The following ANK2 variants were observed in gnomAD, a reference collection of about 807,000 sequenced individuals.
The protein encoded by ANK2 is ankyrin 2, also known as ankyrin-2.
Under a neutral mutation model 360.5 loss-of-function variants are expected in ANK2, and 83 were observed. The observed-to-expected ratio is 0.23, with a 90% CI of 0.19 to 0.28. The LOEUF (loss-of-function observed/expected upper bound fraction) is 0.28. Ranked by LOEUF, ANK2 falls within the 10% of genes least tolerant of loss-of-function variation. The probability of loss-of-function intolerance (pLI) is 1.00; values close to 1 mark genes in which losing one functional copy is unlikely to be tolerated. For synonymous variants in ANK2, 1,740 were observed against 1,759.5 expected, an observed-to-expected ratio of 0.99 and a Z score of 0.28; for missense variants, 4,201 against 4,795.7, an observed-to-expected ratio of 0.88 and a Z score of 3.66.
intron 23 of ANK2, among the ~76,000 whole-genome samples, chr4:113,307,238 T>G (rs2077617972): frequency 6.6e-6 from 1 of 152,134 alleles, no homozygotes; most frequent in Non-Finnish European, 1.5e-5. Flanking sequence ...TTTGAAACAC[T>G]CACTTCTGTT....
intron 37 of ANK2, among the ~76,000 whole-genome samples, chr4:113,352,663 C>T (rs1447697349): frequency 6.7e-6 from 1 of 150,020 alleles, no homozygotes; most frequent in Non-Finnish European, 1.5e-5. Context: ...TTTTTTTCAA[C>T]ATTGATCTGT....
At chr4:112,902,542 G>T (rs1185116499) in intron 1 of ANK2, among the ~76,000 whole-genome samples, 1 of 152,178 alleles carries the variant, frequency 6.6e-6, no homozygotes, top group Admixed American at 6.5e-5. Context: ...ACACCTGGAG[G>T]CTATGTTCTT....
At chr4:113,097,039 C>G (rs1344078138) in intron 1 of ANK2, among the ~76,000 whole-genome samples, 1 of 150,628 alleles carries the variant, frequency 6.6e-6, no homozygotes, top group African/African-American at 2.5e-5. Context: ...TATTATCACT[C>G]CTTCAATTCC....
Position 113,356,118 on chromosome 4 carries a change from G to A in ANK2, c.7500G>A (p.Thr2500=), listed in dbSNP as rs374941639. ...CTGTTGCCAAAACAGAACTCTTGAC[G>A]GAAGTGGCCTCTGTGCGGTCCCGGC... The part of the protein sequence containing the change: ...PAAVAKTELL[T]EVASVRSRLL... Residue 2500 remains threonine, a synonymous_variant, in exon 38 of 46, where the codon ACG becomes ACA. Coordinates refer to ENST00000357077, the MANE Select transcript of ANK2 (RefSeq NM_001148.6). 36 of 1,614,042 alleles carry A rather than the reference G, an allele frequency of 2.2e-5. No individual in the cohort carries two copies. Among genetic ancestry groups the A allele is most frequent in the South Asian group, 4.4e-5 (4 of 91,066 alleles).
intron 13 of ANK2, among the ~76,000 whole-genome samples, chr4:113,259,333 T>G (rs1563231441): frequency 6.6e-6 from 1 of 152,212 alleles, no homozygotes; most frequent in Non-Finnish European, 1.5e-5. Context: ...ATTATTAAAA[T>G]GAGCTATGTT....
intron 2 of ANK2, among the ~76,000 whole-genome samples, chr4:112,954,153 C>G (rs1176379719): frequency 6.6e-6 from 1 of 151,760 alleles, no homozygotes; most frequent in African/African-American, 2.4e-5. Context: ...ATTGTTGTCC[C>G]ACCCCTGTAT....
chr4:113,316,421 C>T (rs774837334), intron 24 of ANK2, among the ~76,000 whole-genome samples: 3 of 152,126 alleles, frequency 2.0e-5, no homozygotes, highest in South Asian at 2.1e-4. Context: ...ACAATTGATG[C>T]GGGCTATGTT....
At chr4:112,998,402 C>T (rs966297435) in intron 2 of ANK2, among the ~76,000 whole-genome samples, 3 of 152,102 alleles carry the variant, frequency 2.0e-5, no homozygotes, top group African/African-American at 7.2e-5. Context: ...CCTTTTCATT[C>T]AACCTCAGTC....
chr4:113,200,647 A>G (rs2098816135), intron 4 of ANK2, among the ~76,000 whole-genome samples: 1 of 152,192 alleles, frequency 6.6e-6, no homozygotes, highest in South Asian at 2.1e-4. Context: ...GTTGCTGCAA[A>G]GGATGTAATT....
At chr4:113,216,654 T>C (rs981099629) in intron 4 of ANK2, among the ~76,000 whole-genome samples, 1 of 152,218 alleles carries the variant, frequency 6.6e-6, no homozygotes, top group Non-Finnish European at 1.5e-5. Context: ...TATCAGTTTT[T>C]GGGGGTACAT....
At chr4:113,119,926 A>G (rs931479274) in intron 1 of ANK2, among the ~76,000 whole-genome samples, 2 of 152,152 alleles carry the variant, frequency 1.3e-5, no homozygotes, top group African/African-American at 2.4e-5. Context: ...ACTCCTTAAA[A>G]CATTTAAAAT....
chr4:112,785,434 C>T, the ANK2 span, among the ~76,000 whole-genome samples: 1 of 147,022 alleles, frequency 6.8e-6, no homozygotes, highest in East Asian at 2.1e-4. Flanking sequence ...AGTGCAGTAG[C>T]ATGATCTCGG....
chr4:113,363,955 A>C (rs2096387334), intron 40 of ANK2, among the ~76,000 whole-genome samples: 2 of 152,204 alleles, frequency 1.3e-5, no homozygotes, highest in Non-Finnish European at 2.9e-5. Context: ...GAATTGATAC[A>C]AATTGTTGTC....
At position 113,354,254 on chromosome 4, in the gene ANK2, C is replaced by T; in HGVS notation, c.5636C>T (p.Ser1879Leu). Residue 1879 changes from serine (S) to leucine (L), a missense_variant, in exon 38 of 46, where the codon TCA (serine) becomes TTA (leucine). Coordinates refer to ENST00000357077, the MANE Select transcript of ANK2 (RefSeq NM_001148.6). ...ASSSSKTEKH[S>L]PVSPSTKTER... The stretch of plus-strand genomic sequence containing the variant: ...TCATCGAGTAAAACTGAGAAACACT[C>T]ACCTGTATCACCCTCGACAAAAACT... 6.2e-7 allele frequency: 1 copy of T among 1,614,098 alleles called. No homozygotes were observed. The highest frequency in any genetic ancestry group is 8.5e-7 in the Non-Finnish European group (1 of 1,179,978).
chr4:112,762,136 C>T, the ANK2 span, among the ~76,000 whole-genome samples: 1 of 152,094 alleles, frequency 6.6e-6, no homozygotes, highest in African/African-American at 2.4e-5. Context: ...TCTAAGATGC[C>T]CCAGTCAATC....
chr4:113,218,563 C>T (rs923258332), intron 4 of ANK2, among the ~76,000 whole-genome samples: 12 of 152,172 alleles, frequency 7.9e-5, no homozygotes, highest in Admixed American at 2.0e-4. Flanking sequence ...TATACTGCTA[C>T]CATCTATATT....
the ANK2 span, among the ~76,000 whole-genome samples, chr4:112,751,586 G>T: frequency 6.6e-6 from 1 of 151,742 alleles, no homozygotes; most frequent in Non-Finnish European, 1.5e-5. Context: ...GGCCCTAAAG[G>T]ATGAGAAGGA....
intron 1 of ANK2, among the ~76,000 whole-genome samples, chr4:112,838,393 C>A (rs538818084): frequency 2.5e-4 from 38 of 152,260 alleles, no homozygotes; most frequent in African/African-American, 8.9e-4. Flanking sequence ...AATACAGAGG[C>A]CCTGCTGCAT....
intron 2 of ANK2, among the ~76,000 whole-genome samples, chr4:113,188,346 C>T (rs1361363880): frequency 1.3e-5 from 2 of 152,132 alleles, no homozygotes; most frequent in Non-Finnish European, 2.9e-5. Context: ...TAGGAAGGTT[C>T]TAGTCATGCC....
Sources: allele counts gnomAD v4.1 joint callset (sites outside exome capture counted in the v4.1 genomes callset), GRCh38; gene constraint gnomAD v4.1.1; transcripts MANE v1.5; gene names NCBI Gene and HGNC (gene_info 2026-07-23, HGNC 2026-07-21).